Variants in NSD1 observed in about 807,000 individuals in gnomAD.
The protein encoded by NSD1 is histone-lysine N-methyltransferase, H3 lysine-36 specific.
NSD1 carries 26 observed loss-of-function variants against 242.7 expected under a neutral mutation model. The observed-to-expected ratio is 0.11, with a 90% CI of 0.08 to 0.15. The LOEUF is 0.15. NSD1 is among the 10% of genes least tolerant of loss of function. The probability of loss-of-function intolerance (pLI) is 1.00; values close to 1 mark genes in which losing one functional copy is unlikely to be tolerated. For synonymous variants in NSD1, 1,106 were observed against 1,178.1 expected, an observed-to-expected ratio of 0.94 and a Z score of 1.25; for missense variants, 2,495 against 3,272.8, an observed-to-expected ratio of 0.76 and a Z score of 5.80.
At position 177,244,188 on chromosome 5, in the gene NSD1, T is replaced by C. The variant is rs759902583; in HGVS notation, c.4303-7T>C. 2.5e-6 allele frequency: 4 copies of C among 1,602,876 alleles called. No homozygotes were observed. Among genetic ancestry groups the C allele is most frequent in the South Asian group, 1.1e-5 (1 of 90,730 alleles). On this transcript the variant is annotated splice_region_variant and splice_polypyrimidine_tract_variant and intron_variant, in intron 8 of 22. Coordinates refer to ENST00000439151, the MANE Select transcript of NSD1 (RefSeq NM_022455.5). The stretch of plus-strand genomic sequence containing the variant: ...CTGTAAATGGTGTTGTTTTCACTTA[T>C]TTATAGTGCTATGAAGCTGGTCACC...
intron 2 of NSD1, among the ~76,000 whole-genome samples, chr5:177,152,411 C>T (rs1320297845): frequency 6.6e-6 from 1 of 150,760 alleles, no homozygotes; most frequent in African/African-American, 2.4e-5. Flanking sequence ...CACTTTCATC[C>T]AGGCCCGAAT....
chr5:177,189,666 T>G (rs1290837552), intron 2 of NSD1, among the ~76,000 whole-genome samples: 1 of 152,204 alleles, frequency 6.6e-6, no homozygotes, highest in Non-Finnish European at 1.5e-5. Flanking sequence ...TGTGTTTACT[T>G]GAAGAACAGT....
intron 2 of NSD1, among the ~76,000 whole-genome samples, chr5:177,138,016 A>G (rs1365109705): frequency 6.6e-6 from 1 of 151,830 alleles, no homozygotes; most frequent in Non-Finnish European, 1.5e-5. Flanking sequence ...CAGAGGTTGC[A>G]GTGAGCCAAG....
At chr5:177,293,710 T>G in intron 22 of NSD1, 122 bp from the exon 23 acceptor site, 1 of 1,086,786 alleles carries the variant, frequency 9.2e-7, no homozygotes, top group Non-Finnish European at 1.4e-6. Flanking sequence ...GCATAAGCTC[T>G]CTGAAGCAGG....
intron 17 of NSD1, among the ~76,000 whole-genome samples, chr5:177,275,635 A>G (rs1581513693): frequency 1.3e-5 from 2 of 151,606 alleles, no homozygotes; most frequent in East Asian, 1.9e-4. Context: ...GGGTTTCACC[A>G]TGTTAGCCAG....
intron 2 of NSD1, among the ~76,000 whole-genome samples, chr5:177,184,843 T>G (rs1448984609): frequency 6.6e-6 from 1 of 152,166 alleles, no homozygotes; most frequent in Non-Finnish European, 1.5e-5. Flanking sequence ...GGCCTTTTCT[T>G]GTTTATAAAT....
Position 177,279,700 on chromosome 5 carries a change from G to T in NSD1, c.5623-865G>T, listed in dbSNP as rs560788039. Among the ~76,000 whole-genome samples, 5 of 122,076 alleles carry T rather than the reference G, an allele frequency of 4.1e-5. No homozygotes were observed. In the Admixed American group the frequency reaches 5.8e-4, roughly 14 times the overall value. The allele number at this position is 122,076 out of a possible 152,430, so 80.1% of individuals were successfully genotyped here. A position where few individuals can be genotyped will look rare whatever the true frequency, so the allele number is the denominator to read the frequency against. ...CAGTCACGCGATCTCTGCAAGCTCC[G>T]CTGCCTCCCAGTTTCACACCATTCT... On this transcript the variant is annotated intron_variant, in intron 17 of 22. Transcript: ENST00000439151.
chr5:177,227,298 A>C (rs1026867155), intron 5 of NSD1, among the ~76,000 whole-genome samples: 1 of 152,204 alleles, frequency 6.6e-6, no homozygotes, highest in Non-Finnish European at 1.5e-5. Flanking sequence ...TGACTATGAA[A>C]ATAATAATGC....
intron 10 of NSD1, 112 bp downstream of exon 10, chr5:177,246,908 G>A: frequency 1.3e-6 from 1 of 794,408 alleles, no homozygotes; most frequent in Non-Finnish European, 2.2e-6. Context: ...CTACTGAAAT[G>A]GCTGATGGCC....
intron 8 of NSD1, among the ~76,000 whole-genome samples, chr5:177,240,574 G>A (rs542708936): frequency 5.3e-5 from 8 of 152,038 alleles, no homozygotes; most frequent in Admixed American, 2.0e-4. Flanking sequence ...TTAGCTGGGC[G>A]TGGTGGCAGG....
chr5:177,201,634 C>G (rs1047396951), intron 3 of NSD1, among the ~76,000 whole-genome samples: 5 of 150,774 alleles, frequency 3.3e-5, no homozygotes, highest in Non-Finnish European at 5.9e-5. Context: ...TCTCAGCTCA[C>G]TGCAACCCCC....
intron 5 of NSD1, among the ~76,000 whole-genome samples, chr5:177,229,213 G>T (rs1764867464): frequency 6.6e-6 from 1 of 152,002 alleles, no homozygotes; most frequent in South Asian, 2.1e-4. Context: ...CTTTTTGGCT[G>T]TTTTATCATT....
intron 14 of NSD1, among the ~76,000 whole-genome samples, chr5:177,261,954 A>C (rs1176838241): frequency 6.6e-6 from 1 of 152,230 alleles, no homozygotes; most frequent in Non-Finnish European, 1.5e-5. Flanking sequence ...TGAGCATTGT[A>C]CTTTGAATCT....
chr5:177,298,483 A>G lies in NSD1; in HGVS notation c.*3024A>G. On this transcript the variant is annotated 3_prime_UTR_variant, in exon 23 of 23. Coordinates refer to ENST00000439151, the MANE Select transcript of NSD1 (RefSeq NM_022455.5). ...TCATTTGCTTATCTTGCTGGAGCCA[A>G]CCCAGTCTAATAGCAAAATAGCTGT... The G allele has an allele frequency of 4.3e-6, 1 of 233,308 alleles. No homozygotes were observed. The highest frequency in any genetic ancestry group is 8.5e-6 in the Non-Finnish European group (1 of 118,048). 14.5% of individuals were successfully genotyped at this position (233,308 alleles called of 1,614,324 possible). A position where few individuals can be genotyped will look rare whatever the true frequency, so the allele number is the denominator to read the frequency against.
intron 2 of NSD1, among the ~76,000 whole-genome samples, chr5:177,190,722 T>G (rs1581250733): frequency 6.6e-6 from 1 of 151,304 alleles, no homozygotes; most frequent in South Asian, 2.1e-4. Flanking sequence ...CAGGCTGGAG[T>G]GCAGTGGCGC....
At chr5:177,184,251 G>T (rs796975816) in intron 2 of NSD1, among the ~76,000 whole-genome samples, 3 of 152,116 alleles carry the variant, frequency 2.0e-5, no homozygotes. Flanking sequence ...TACCAACAAC[G>T]TATGAGGGTT....
At chr5:177,139,514 G>A (rs77052399) in intron 2 of NSD1, among the ~76,000 whole-genome samples, 2,765 of 151,922 alleles carry the variant, frequency 0.018, 32 homozygotes, top group Non-Finnish European at 0.028. Context: ...TGAGAAAAGT[G>A]TAATTAAAAA....
At chr5:177,253,670 T>C (rs950483397) in intron 12 of NSD1, among the ~76,000 whole-genome samples, 3 of 152,180 alleles carry the variant, frequency 2.0e-5, no homozygotes, top group African/African-American at 7.2e-5. Flanking sequence ...TCTCTCTCTG[T>C]CGCCTAGTCT....
chr5:177,288,394 A>C (rs1759505675), intron 20 of NSD1: 1 of 248,166 alleles, frequency 4.0e-6, no homozygotes, highest in African/African-American at 2.3e-5. Flanking sequence ...CTGTACTGAG[A>C]TGCCTCTCCA....
Sources: gnomAD v4.1 joint callset for allele counts (sites outside exome capture counted in the v4.1 genomes callset) on GRCh38, gnomAD v4.1.1 for gene constraint, MANE v1.5 for transcripts, NCBI Gene and HGNC (gene_info 2026-07-23, HGNC 2026-07-21) for gene names.